Variants in DCLK2 observed in about 807,000 individuals in gnomAD.
DCLK2 encodes the protein doublecortin like kinase 2.
DCLK2 carries 31 observed loss-of-function variants against 78.4 expected under a neutral mutation model. That is an observed-to-expected ratio of 0.40 (90% CI 0.30 to 0.53). DCLK2 has a LOEUF of 0.53. Among genes scored for constraint, DCLK2 ranks in the 20% least tolerant of loss-of-function variants. The pLI, the probability that DCLK2 is intolerant of heterozygous loss-of-function variation, is 0.61. For missense variants in DCLK2, 872 were observed against 973.7 expected (o/e 0.90, Z 1.39); for synonymous variants, 407 against 374.9 (o/e 1.09, Z -0.99).
At chr4:150,238,170 A>G (rs1470443213) in intron 10 of DCLK2, among the ~76,000 whole-genome samples, 1 of 152,112 alleles carries the variant, frequency 6.6e-6, no homozygotes, top group South Asian at 2.1e-4. Flanking sequence ...GCTACCACTT[A>G]GAGATAAACT....
At chr4:150,200,249 G>A (rs1580705313) in intron 4 of DCLK2, among the ~76,000 whole-genome samples, 2 of 152,160 alleles carry the variant, frequency 1.3e-5, no homozygotes, top group Admixed American at 1.3e-4. Flanking sequence ...TAGCATTCTA[G>A]TACACACAAT....
chr4:150,239,027 C>A (rs780229016), intron 10 of DCLK2, among the ~76,000 whole-genome samples: 10 of 152,102 alleles, frequency 6.6e-5, no homozygotes, highest in Non-Finnish European at 1.2e-4. Context: ...CTTAATACAC[C>A]ATTTCTTGGG....
At chr4:150,224,410 A>G in intron 7 of DCLK2, 91 bp from the exon 8 acceptor site, 1 of 1,292,074 alleles carries the variant, frequency 7.7e-7, no homozygotes. Flanking sequence ...TCTACAAAAA[A>G]AAAAAAAATT....
chr4:150,081,599 CTT>C (rs1164114776), intron 1 of DCLK2, among the ~76,000 whole-genome samples: 1 of 151,954 alleles, frequency 6.6e-6, no homozygotes, highest in Non-Finnish European at 1.5e-5. Context: ...AACTTGGACA[CTT>C]TTTTTGTCAT....
chr4:150,194,317 A>G (rs902608242), intron 3 of DCLK2, among the ~76,000 whole-genome samples: 2 of 152,184 alleles, frequency 1.3e-5, no homozygotes, highest in Non-Finnish European at 2.9e-5. Context: ...AGGCTACACC[A>G]TGTAGATTTG....
At chr4:150,104,904 A>G (rs893747578) in intron 2 of DCLK2, among the ~76,000 whole-genome samples, 6 of 152,136 alleles carry the variant, frequency 3.9e-5, no homozygotes, top group African/African-American at 1.4e-4. Flanking sequence ...ATTCTTCTAT[A>G]CATTCTTTCT....
chr4:150,131,485 T>C (rs1475295085), intron 2 of DCLK2, among the ~76,000 whole-genome samples: 8 of 152,162 alleles, frequency 5.3e-5, no homozygotes, highest in African/African-American at 1.7e-4. Flanking sequence ...TAGGCTGATA[T>C]GACCCAAGAA....
intron 2 of DCLK2, among the ~76,000 whole-genome samples, 195 bp from the exon 3 acceptor site, chr4:150,192,943 C>A (rs574854359): frequency 6.6e-6 from 1 of 152,184 alleles, no homozygotes; most frequent in African/African-American, 2.4e-5. Flanking sequence ...GAATCCTTGA[C>A]TCTGTTGTTC....
chr4:150,110,271 A>G (rs1731575237), intron 2 of DCLK2, among the ~76,000 whole-genome samples: 1 of 152,216 alleles, frequency 6.6e-6, no homozygotes, highest in Admixed American at 6.5e-5. Flanking sequence ...ATAGTGTTAA[A>G]ATTAGTTATT....
chr4:150,154,107 G>A (rs762378173), intron 2 of DCLK2, among the ~76,000 whole-genome samples: 3 of 152,208 alleles, frequency 2.0e-5, no homozygotes, highest in Non-Finnish European at 2.9e-5. Context: ...AGTTTGTTCT[G>A]TTATCAGAAA....
In DCLK2 at chr4:150,257,069, C is replaced by G. The variant is rs1227384584; in HGVS notation, c.*822C>G. The G allele has an allele frequency of 6.6e-6, 1 of 152,308 alleles. No homozygotes were observed. Among genetic ancestry groups the G allele is most frequent in the Non-Finnish European group, 1.5e-5 (1 of 68,064 alleles). 9.4% of individuals were successfully genotyped at this position (152,308 alleles called of 1,614,324 possible). On this transcript the variant is annotated 3_prime_UTR_variant, in exon 16 of 16. Coordinates refer to ENST00000296550, the MANE Select transcript of DCLK2 (RefSeq NM_001040260.4). ...GAGGCTTGGCGCATGCGGCACCCAG[C>G]GGCTGCTTCCCTGCAAGCCAGCGAC... is the stretch of plus-strand genomic sequence containing the variant.
chr4:150,106,794 T>G (rs1560777014), intron 2 of DCLK2, among the ~76,000 whole-genome samples: 1 of 152,232 alleles, frequency 6.6e-6, no homozygotes, highest in Non-Finnish European at 1.5e-5. Flanking sequence ...CTTGAATCTT[T>G]TCTTCCTTCA....
intron 2 of DCLK2, among the ~76,000 whole-genome samples, chr4:150,177,026 C>A (rs547684424): frequency 1.3e-5 from 2 of 152,304 alleles, no homozygotes; most frequent in South Asian, 4.1e-4. Flanking sequence ...TACAGTTCAT[C>A]AGTATTTCCC....
chr4:150,101,707 G>C (rs1238266090), intron 1 of DCLK2, among the ~76,000 whole-genome samples: 1 of 152,042 alleles, frequency 6.6e-6, no homozygotes, highest in Non-Finnish European at 1.5e-5. Context: ...AAGCCACTTG[G>C]CAAATAATAT....
chr4:150,228,819 G>A (rs1741809990), intron 8 of DCLK2, among the ~76,000 whole-genome samples: 1 of 151,986 alleles, frequency 6.6e-6, no homozygotes, highest in Non-Finnish European at 1.5e-5. Flanking sequence ...GAGGTCAGGA[G>A]ATCGAGACCA....
At chr4:150,104,343 G>C (rs1731087620) in intron 2 of DCLK2, among the ~76,000 whole-genome samples, 1 of 124,732 alleles carries the variant, frequency 8.0e-6, no homozygotes, top group Non-Finnish European at 1.6e-5. Flanking sequence ...AGCTATGATT[G>C]TGCCACTGCA....
chr4:150,086,412 T>C (rs1729641010), intron 1 of DCLK2, among the ~76,000 whole-genome samples: 2 of 152,214 alleles, frequency 1.3e-5, no homozygotes, highest in Admixed American at 1.3e-4. Context: ...AGTATATTTA[T>C]GTCCCAAGAA....
At chr4:150,209,486 T>C (rs1272356216) in intron 5 of DCLK2, among the ~76,000 whole-genome samples, 1 of 152,246 alleles carries the variant, frequency 6.6e-6, no homozygotes, top group Admixed American at 6.5e-5. Flanking sequence ...CCTCTAATTC[T>C]TAAGTTTTTT....
chr4:150,125,160 T>A (rs1379102920), intron 2 of DCLK2, among the ~76,000 whole-genome samples: 1 of 152,204 alleles, frequency 6.6e-6, no homozygotes, highest in Non-Finnish European at 1.5e-5. Context: ...ACATAAGGAA[T>A]GCCACAGAGA....
Sources: gnomAD v4.1 joint callset for allele counts (sites outside exome capture counted in the v4.1 genomes callset) on GRCh38, gnomAD v4.1.1 for gene constraint, MANE v1.5 for transcripts, NCBI Gene and HGNC (gene_info 2026-07-23, HGNC 2026-07-21) for gene names.